Variants in POU6F2 observed in about 807,000 individuals in gnomAD.
The protein encoded by POU6F2 is POU class 6 homeobox 2.
POU6F2 carries 31 observed loss-of-function variants against 71.3 expected under a neutral mutation model. That is an observed-to-expected ratio of 0.43 (90% CI 0.33 to 0.59). The LOEUF (loss-of-function observed/expected upper bound fraction) is 0.59, where lower values mean the gene tolerates loss of function less well. Ranked by LOEUF, POU6F2 falls within the 20% of genes least tolerant of loss-of-function variation. The probability of loss-of-function intolerance (pLI) is 0.04; values close to 1 mark genes in which losing one functional copy is unlikely to be tolerated. For synonymous variants in POU6F2, 347 were observed against 355.7 expected, an observed-to-expected ratio of 0.98 and a Z score of 0.27; for missense variants, 783 against 856.8, an observed-to-expected ratio of 0.91 and a Z score of 1.07.
At position 39,461,054 on chromosome 7, in the gene POU6F2, C is replaced by A. The variant is rs1331310288; in HGVS notation, c.1658+339C>A. 2.6e-5 allele frequency among the ~76,000 whole-genome samples: 4 copies of A among 152,138 alleles called. No homozygotes were observed. The East Asian group carries it at 7.7e-4, about 29-fold the overall frequency. On this transcript the variant is annotated intron_variant, in intron 9 of 9. Transcript: ENST00000518318. ...TTTGTCTGCACGTAGGTATTCTGAG[C>A]AAATGTTGTAAAGCTGCCATTCCTA...
intron 1 of POU6F2, among the ~76,000 whole-genome samples, chr7:39,033,100 C>G (rs1584509853): frequency 6.6e-6 from 1 of 152,172 alleles, no homozygotes. Context: ...GGACTATTAA[C>G]GTCACACGAT....
intron 2 of POU6F2, among the ~76,000 whole-genome samples, chr7:39,148,123 A>G (rs1300151138): frequency 6.6e-6 from 1 of 152,210 alleles, no homozygotes; most frequent in East Asian, 1.9e-4. Flanking sequence ...TCTGCCCATC[A>G]GCAGAAAAGC....
At chr7:38,999,981 C>G (rs1268622061) in intron 1 of POU6F2, among the ~76,000 whole-genome samples, 1 of 152,078 alleles carries the variant, frequency 6.6e-6, no homozygotes, top group Non-Finnish European at 1.5e-5. Context: ...GGTACTAAAA[C>G]TTTTTATTTT....
Position 39,174,542 on chromosome 7 carries a change from T to C in POU6F2, c.278-29693T>C, listed in dbSNP as rs564002583. Among the ~76,000 whole-genome samples, 3 of 152,332 alleles carry C rather than the reference T, an allele frequency of 2.0e-5. No individual in the cohort carries two copies. The South Asian group carries it at 6.2e-4, about 32-fold the overall frequency. On this transcript the variant is annotated intron_variant, in intron 2 of 9. Transcript: ENST00000518318. The stretch of plus-strand genomic sequence containing the variant: ...CTGCAAACTTATCTGCAGTCACGTG[T>C]GTCTTTTCCTCCTGTTCCAAGAGGT...
chr7:39,406,642 G>A lies in POU6F2; in HGVS notation c.1015G>A (p.Ala339Thr). ...AGCAAGTCAGGCTGCAGCGGCTGCAGCAGCCATGAGCTCCATAGCAAGCTC... is the reference window on the plus strand; with the variant it reads ...AGCAAGTCAGGCTGCAGCGGCTGCAACAGCCATGAGCTCCATAGCAAGCTC... ...PLASQAAAAAAAMSSIASSQA... is the reference protein window; with the variant it reads ...PLASQAAAAATAMSSIASSQA... The change falls in exon 6 of 10, where the codon GCA becomes ACA. Residue 339 changes from alanine (A) to threonine (T), a missense_variant. Coordinates refer to ENST00000518318, the MANE Select transcript of POU6F2 (RefSeq NM_001370959.1). 1 of 1,613,006 alleles carries A rather than the reference G, an allele frequency of 6.2e-7. No homozygotes were observed. The highest frequency in any genetic ancestry group is 8.5e-7 in the Non-Finnish European group (1 of 1,179,804).
At position 39,376,144 on chromosome 7, in the gene POU6F2, G is replaced by C. The variant is rs550723744; in HGVS notation, c.973-30456G>C. Among the ~76,000 whole-genome samples, 65 of 152,216 alleles carry C rather than the reference G, an allele frequency of 4.3e-4. 1 individual carries two copies. The South Asian group carries it at 0.01, about 24-fold the overall frequency. The stretch of plus-strand genomic sequence containing the variant: ...CAATAATTGTCCTCAACAATCTGTA[G>C]CTTATATTATTGACTTGATTCTGTT... On this transcript the variant is annotated intron_variant, in intron 5 of 9. Transcript: ENST00000518318.
chr7:38,990,032 C>T (rs543294344), intron 1 of POU6F2, among the ~76,000 whole-genome samples: 69 of 152,118 alleles, frequency 4.5e-4, no homozygotes, highest in African/African-American at 1.6e-3. Flanking sequence ...AAGATTCTTG[C>T]CTAAATTTGA....
rs777204807 is a variant in POU6F2, at chr7:39,006,860, T to C, written c.105+28802T>C. On this transcript the variant is annotated intron_variant, in intron 1 of 9. Transcript: ENST00000518318. ...AAGAGGAAGTGGCAAATGAGTGCTC[T>C]TCTTCAGGTATTTTGTTGATTTTTC... 27 of 1,613,624 alleles carry C rather than the reference T, an allele frequency of 1.7e-5. No individual in the cohort carries two copies. In the South Asian group the frequency reaches 3.0e-4, roughly 18 times the overall value.
chr7:39,097,739 T>C (rs1030058691), intron 2 of POU6F2, among the ~76,000 whole-genome samples: 3 of 152,176 alleles, frequency 2.0e-5, no homozygotes, highest in African/African-American at 4.8e-5. Flanking sequence ...CCACATAGAA[T>C]TGATCACCTA....
At chr7:39,406,543 G>A (rs1385473081) in intron 5 of POU6F2, 57 bp from the exon 6 acceptor site, 4 of 1,584,338 alleles carry the variant, frequency 2.5e-6, no homozygotes, top group Non-Finnish European at 3.4e-6. Flanking sequence ...TGTTGTGTCC[G>A]TGTGCTGTGC....
intron 5 of POU6F2, among the ~76,000 whole-genome samples, chr7:39,361,605 C>T (rs1449050120): frequency 6.6e-6 from 1 of 152,200 alleles, no homozygotes; most frequent in Non-Finnish European, 1.5e-5. Context: ...ACTTATTTTC[C>T]TCCTAATGTG....
At chr7:39,031,678 C>A (rs1409121865) in intron 1 of POU6F2, among the ~76,000 whole-genome samples, 1 of 152,060 alleles carries the variant, frequency 6.6e-6, no homozygotes, top group Non-Finnish European at 1.5e-5. Context: ...ACAAGGAGTT[C>A]GAGAGCAGCC....
chr7:39,142,212 G>A (rs750242381), intron 2 of POU6F2, among the ~76,000 whole-genome samples: 11 of 152,220 alleles, frequency 7.2e-5, no homozygotes, highest in Non-Finnish European at 1.2e-4. Flanking sequence ...AAGAGCAAAT[G>A]GTACATGCTG....
intron 1 of POU6F2, 22 bp from the exon 2 acceptor site, chr7:39,085,838 T>C: frequency 1.2e-6 from 2 of 1,612,198 alleles, no homozygotes; most frequent in Non-Finnish European, 1.7e-6. Flanking sequence ...TTCCTCCCCT[T>C]CACTCTTTTC....
intron 1 of POU6F2, among the ~76,000 whole-genome samples, chr7:39,055,000 A>C (rs1313947406): frequency 2.6e-5 from 4 of 152,070 alleles, no homozygotes; most frequent in African/African-American, 9.7e-5. Flanking sequence ...GGGGGAGATA[A>C]TTACATGATC....
chr7:39,130,492 G>A (rs1792248299), intron 2 of POU6F2, among the ~76,000 whole-genome samples: 1 of 152,160 alleles, frequency 6.6e-6, no homozygotes, highest in Admixed American at 6.5e-5. Flanking sequence ...GCAACCTGCT[G>A]AGCTAAGTGT....
intron 7 of POU6F2, among the ~76,000 whole-genome samples, chr7:39,437,049 C>A (rs1332441680): frequency 6.6e-6 from 1 of 152,170 alleles, no homozygotes; most frequent in East Asian, 1.9e-4. Context: ...ATTTTTGCAT[C>A]TGTGTTCATC....
chr7:39,307,417 A>G (rs982429810), intron 4 of POU6F2, among the ~76,000 whole-genome samples: 5 of 152,244 alleles, frequency 3.3e-5, no homozygotes, highest in Admixed American at 2.6e-4. Context: ...ATTCACAAAT[A>G]TAATCTATCA....
chr7:39,007,204 G>A (rs1469828145), intron 1 of POU6F2, among the ~76,000 whole-genome samples: 1 of 152,082 alleles, frequency 6.6e-6, no homozygotes, highest in Non-Finnish European at 1.5e-5. Flanking sequence ...AATCTTTTAT[G>A]GAATTTTATT....
Sources: allele counts gnomAD v4.1 joint callset (sites outside exome capture counted in the v4.1 genomes callset), GRCh38; gene constraint gnomAD v4.1.1; transcripts MANE v1.5; gene names NCBI Gene and HGNC (gene_info 2026-07-23, HGNC 2026-07-21).